Variants in GSTA1 observed in about 807,000 individuals in gnomAD.
GSTA1 encodes glutathione S-transferase alpha 1.
In GSTA1, 23 loss-of-function variants were observed where a neutral mutation model predicts 21.5. That is an observed-to-expected ratio of 1.07 (90% CI 0.77 to 1.52). GSTA1 has a LOEUF of 1.52. Among genes scored for constraint, GSTA1 ranks in the 40% most tolerant of loss-of-function variants. The pLI is 0.00. For synonymous variants in GSTA1, 125 were observed against 90.0 expected, an observed-to-expected ratio of 1.39 and a Z score of -2.20; for missense variants, 301 against 264.2, an observed-to-expected ratio of 1.14 and a Z score of -0.96.
At chr6:52,792,027 C>T (rs769412093) in intron 6 of GSTA1, 47 bp from the exon 7 acceptor site, 7 of 1,610,270 alleles carry the variant, frequency 4.3e-6, no homozygotes, top group Admixed American at 3.4e-5. Context: ...AGGGCTGACA[C>T]CACCATTAAC....
intron 5 of GSTA1, among the ~76,000 whole-genome samples, chr6:52,793,702 T>C (rs977174545): frequency 6.6e-6 from 1 of 152,162 alleles, no homozygotes; most frequent in Admixed American, 6.5e-5. Context: ...AACGCTACAG[T>C]ATTCTCTGGT....
At chr6:52,794,348 A>G in intron 4 of GSTA1, 82 bp from the exon 5 acceptor site, 2 of 1,415,680 alleles carry the variant, frequency 1.4e-6, no homozygotes, top group Non-Finnish European at 1.9e-6. Context: ...GGAGTAGAGT[A>G]TCAGGTGATG....
At chr6:52,796,734 G>T (rs946507728) in intron 3 of GSTA1, among the ~76,000 whole-genome samples, 8 of 150,072 alleles carry the variant, frequency 5.3e-5, no homozygotes, top group African/African-American at 2.0e-4. Context: ...CAAGCAATAG[G>T]GTCTCACCAT....
At position 52,794,171 on chromosome 6, in the gene GSTA1, A is replaced by G. The variant is rs763957497; in HGVS notation, c.368T>C (p.Leu123Ser). The change falls in exon 5 of 7, where the codon TTG becomes TCG. Residue 123 changes from leucine (L) to serine (S), a missense_variant. Coordinates refer to ENST00000334575, the MANE Select transcript of GSTA1 (RefSeq NM_145740.5). Reference protein sequence around the residue: ...PPEEKDAKLALIKEKIKNRYF... With the variant: ...PPEEKDAKLASIKEKIKNRYF... ...GCGATTTTTTATTTTCTCTTTGATC[A>G]AGGCAAGCTTGGCATCTTTTTCCTC... 2.5e-6 allele frequency: 4 copies of G among 1,614,112 alleles called. No individual in the cohort carries two copies. The Admixed American group carries it at 6.7e-5, about 27-fold the overall frequency.
intron 1 of GSTA1, 40 bp from the exon 2 acceptor site, chr6:52,799,337 G>A (rs1236157681): frequency 2.9e-6 from 4 of 1,357,690 alleles, no homozygotes; most frequent in South Asian, 1.2e-5. Context: ...TGAAACGATA[G>A]AATCAAAAAT....
rs1561910499 is a variant in GSTA1 at position 52,792,999 on chromosome 6, G to A, written c.415-12C>T. ...TGGCTCTTTAAGACCTGGAGAATGG[G>A]AGGAATCAGATCAGGAACACATGCA... is the stretch of plus-strand genomic sequence containing the variant. On this transcript the variant is annotated splice_polypyrimidine_tract_variant and intron_variant, in intron 5 of 6. Transcript: ENST00000334575. The A allele has an allele frequency of 6.2e-7, 1 of 1,614,008 alleles. No homozygotes were observed. Among genetic ancestry groups the A allele is most frequent in the Non-Finnish European group, 8.5e-7 (1 of 1,179,938 alleles).
chr6:52,797,464 T>C (rs1352846171), intron 3 of GSTA1, 122 bp downstream of exon 3: 20 of 667,580 alleles, frequency 3.0e-5, no homozygotes, highest in African/African-American at 7.3e-5. Context: ...TTAACCACTT[T>C]CTCCCTCTGC....
chr6:52,797,943 A>T (rs1763628491), intron 2 of GSTA1, among the ~76,000 whole-genome samples: 2 of 152,308 alleles, frequency 1.3e-5, no homozygotes, highest in Non-Finnish European at 1.5e-5. Flanking sequence ...CAGTTCTTCT[A>T]GTTATGGTGT....
rs1763658157 is a variant in GSTA1 at position 52,799,282 on chromosome 6, G to A, written c.-15C>T. The A allele has an allele frequency of 4.4e-6, 7 of 1,605,658 alleles. No individual in the cohort carries two copies. Among genetic ancestry groups the A allele is most frequent in the South Asian group, 1.1e-5 (1 of 90,190 alleles). ...TTCTCTGCCATGATAGCAGTCTCCT[G>A]GAGGTTTCTCTAAGCCTGAATGAAT... is the stretch of plus-strand genomic sequence containing the variant. On this transcript the variant is annotated 5_prime_UTR_variant, in exon 2 of 7. Coordinates refer to ENST00000334575, the MANE Select transcript of GSTA1 (RefSeq NM_145740.5).
In GSTA1 at chr6:52,793,052, C is replaced by A. The variant is rs112525259; in HGVS notation, c.415-65G>T. ...CCCAGGCTAGGACCCCTGCTTCTTT[C>A]GGAGCCTCTCCACCCTGACTTTCCC... On this transcript the variant is annotated intron_variant, in intron 5 of 6. Coordinates refer to ENST00000334575, the MANE Select transcript of GSTA1 (RefSeq NM_145740.5). 996 of 1,610,176 alleles carry A rather than the reference C, an allele frequency of 6.2e-4. 10 individuals carry two copies. In the African/African-American group the frequency reaches 0.011, roughly 17 times the overall value.
At chr6:52,796,534 T>TAC (rs1763592481) in intron 3 of GSTA1, among the ~76,000 whole-genome samples, 2 of 47,232 alleles carry the variant, frequency 4.2e-5, no homozygotes, top group Middle Eastern at 6.7e-3. Context: ...TGTGTGTATA[T>TAC]ATATATATAT....
At chr6:52,794,985 G>T (rs1364712851) in intron 4 of GSTA1, among the ~76,000 whole-genome samples, 1 of 152,098 alleles carries the variant, frequency 6.6e-6, no homozygotes, top group East Asian at 1.9e-4. Flanking sequence ...TACTATAATT[G>T]CCACCAGGTA....
At chr6:52,798,130 C>A (rs925384195) in intron 2 of GSTA1, among the ~76,000 whole-genome samples, 3 of 152,184 alleles carry the variant, frequency 2.0e-5, no homozygotes, top group Admixed American at 1.3e-4. Context: ...AAATAGGTCG[C>A]CACTGTTGCA....
chr6:52,803,479 A>C (rs1763762732), intron 1 of GSTA1, among the ~76,000 whole-genome samples: 1 of 152,202 alleles, frequency 6.6e-6, no homozygotes. Context: ...TTCTTCCAGC[A>C]CTGATTATTC....
chr6:52,803,145 C>T (rs1236169039), intron 1 of GSTA1, among the ~76,000 whole-genome samples: 7 of 152,124 alleles, frequency 4.6e-5, no homozygotes, highest in Non-Finnish European at 1.0e-4. Context: ...TGCCTAGAAA[C>T]ATCCTAGAGT....
chr6:52,796,768 C>T (rs116328478), intron 3 of GSTA1, among the ~76,000 whole-genome samples: 3,451 of 151,286 alleles, frequency 0.023, 69 homozygotes, highest in Non-Finnish European at 0.03. Flanking sequence ...GTCTCAAATT[C>T]CTGAACTGAA....
chr6:52,793,989 T>C, intron 5 of GSTA1, 136 bp downstream of exon 5: 1 of 1,035,814 alleles, frequency 9.7e-7, no homozygotes, highest in Non-Finnish European at 1.4e-6. Flanking sequence ...ATAAAATGCC[T>C]TGAGAGTCAG....
intron 4 of GSTA1, among the ~76,000 whole-genome samples, chr6:52,795,473 G>T (rs761415968): frequency 2.0e-5 from 3 of 151,988 alleles, no homozygotes; most frequent in African/African-American, 4.8e-5. Flanking sequence ...GATTATTTGG[G>T]GATATACCTG....
Position 52,791,834 on chromosome 6 carries a change from T to A in GSTA1, c.*24A>T. On this transcript the variant is annotated 3_prime_UTR_variant, in exon 7 of 7. Transcript: ENST00000334575. ...AACTTTAGAACATTGGTATTGCAAG[T>A]TCTTGGCCTCCATGACTGCGTTATT... The A allele has an allele frequency of 6.2e-7, 1 of 1,613,786 alleles. No individual in the cohort carries two copies. The highest frequency in any genetic ancestry group is 8.5e-7 in the Non-Finnish European group (1 of 1,179,812).
Sources: gnomAD v4.1 joint callset for allele counts (sites outside exome capture counted in the v4.1 genomes callset) on GRCh38, gnomAD v4.1.1 for gene constraint, MANE v1.5 for transcripts, NCBI Gene and HGNC (gene_info 2026-07-23, HGNC 2026-07-21) for gene names.